The following CTSH variants were observed in gnomAD, a reference collection of about 807,000 sequenced individuals.
CTSH encodes the protein cathepsin H, also known as pro-cathepsin H.
A neutral mutation model predicts 56.3 loss-of-function variants in CTSH; 52 were observed. The ratio of observed to expected loss-of-function variants is 0.92; its 90% CI spans 0.74 to 1.16. The LOEUF is 1.16. CTSH is among the 50% of genes most tolerant of loss of function. The pLI is 0.00. For missense variants in CTSH, 406 were observed against 424.5 expected (o/e 0.96, Z 0.38); for synonymous variants, 174 against 155.7 (o/e 1.12, Z -0.88).
chr15:78,932,119 C>CA lies in CTSH; in HGVS notation c.492+252dup. On this transcript the variant is annotated intron_variant, in intron 6 of 11. Transcript: ENST00000220166. Reference sequence around the variant, plus strand: ...CTGAACCCCTCCGCCGGGAAGGCTCCAGGCTGTCAAGCTAAGGACCACCCA... The same window carrying CA: ...CTGAACCCCTCCGCCGGGAAGGCTCCAAGGCTGTCAAGCTAAGGACCACCCA... 16 of 1,243,474 alleles carry CA rather than the reference C, an allele frequency of 1.3e-5. 1 individual carries two copies. In the South Asian group the frequency reaches 2.9e-4, roughly 23 times the overall value. 77.0% of individuals were successfully genotyped at this position (1,243,474 alleles called of 1,614,324 possible).
Position 78,929,503 on chromosome 15 carries a change from G to A in CTSH, c.549-10C>T, listed in dbSNP as rs781335168. 1.2e-6 allele frequency: 2 copies of A among 1,603,788 alleles called. No homozygotes were observed. The highest frequency in any genetic ancestry group is 1.1e-5 in the South Asian group (1 of 89,762). On this transcript the variant is annotated splice_polypyrimidine_tract_variant and intron_variant, in intron 7 of 11. Coordinates refer to ENST00000220166, the MANE Select transcript of CTSH (RefSeq NM_004390.5). ...CTGGCTGGGGAGACCCCTGCAAGAA[G>A]TACACACAGGTGAGCCCACCTGGGG...
intron 10 of CTSH, among the ~76,000 whole-genome samples, chr15:78,923,772 C>G (rs867489301): frequency 1.3e-5 from 2 of 152,220 alleles, no homozygotes; most frequent in Admixed American, 6.5e-5. Flanking sequence ...GTTGCCACTG[C>G]ATTTATTAAA....
In CTSH at chr15:78,932,472, G is replaced by C. The variant is rs752857196; in HGVS notation, c.406-14C>G. On this transcript the variant is annotated splice_polypyrimidine_tract_variant and intron_variant, in intron 5 of 11. Transcript: ENST00000220166. The stretch of plus-strand genomic sequence containing the variant: ...GCCGCAGGCACCCTGGAAAGGCCAG[G>C]GGAGAGCAGAGGACATCAGTGATGG... The C allele has an allele frequency of 5.0e-6, 8 of 1,607,952 alleles. No homozygotes were observed. The South Asian group carries it at 8.8e-5, about 18-fold the overall frequency.
chr15:78,923,238 G>A (rs1264564375), intron 10 of CTSH, 120 bp from the exon 11 acceptor site: 14 of 1,060,596 alleles, frequency 1.3e-5, no homozygotes, highest in Non-Finnish European at 1.9e-5. Flanking sequence ...GACCAGGGAG[G>A]CATGTAAGGT....
intron 5 of CTSH, among the ~76,000 whole-genome samples, chr15:78,933,985 T>A (rs947186387): frequency 1.3e-5 from 2 of 152,194 alleles, no homozygotes; most frequent in Non-Finnish European, 2.9e-5. Flanking sequence ...GGTGGGCCTC[T>A]CTTTCCCACC....
chr15:78,925,552 G>C (rs2054886211), intron 9 of CTSH, 112 bp from the exon 10 acceptor site: 2 of 678,976 alleles, frequency 2.9e-6, no homozygotes, highest in Admixed American at 4.4e-5. Context: ...AGCATGGATG[G>C]CCAGAAGCAG....
chr15:78,922,052 C>T lies in CTSH; in HGVS notation c.*78G>A, dbSNP rs2141510256. 7.3e-7 allele frequency: 1 copy of T among 1,365,750 alleles called. No individual in the cohort carries two copies. The highest frequency in any genetic ancestry group is 1.0e-6 in the Non-Finnish European group (1 of 982,752). The allele number at this position is 1,365,750 out of a possible 1,614,324, so 84.6% of individuals were successfully genotyped here. The stretch of plus-strand genomic sequence containing the variant: ...CCAGTGGATCTCCCCACAACTTCCT[C>T]CAGGGCAGGATTTCCACCCAGGCCC... On this transcript the variant is annotated 3_prime_UTR_variant, in exon 12 of 12. Transcript: ENST00000220166.
chr15:78,937,586 G>T, intron 2 of CTSH, 163 bp from the exon 3 acceptor site: 8 of 1,404,406 alleles, frequency 5.7e-6, no homozygotes, highest in African/African-American at 2.9e-5. Context: ...AATTTGGGAA[G>T]TTACAAAACA....
chr15:78,929,367 G>T (rs2054994679), intron 8 of CTSH, 45 bp downstream of exon 8: 1 of 1,448,660 alleles, frequency 6.9e-7, no homozygotes, highest in South Asian at 1.2e-5. Context: ...GTGAAGCTAG[G>T]CATGCTGTAC....
chr15:78,925,233 C>T, intron 10 of CTSH, 101 bp downstream of exon 10: 2 of 728,830 alleles, frequency 2.7e-6, no homozygotes, highest in South Asian at 1.5e-5. Flanking sequence ...GTCTGACACA[C>T]AGGAGTCTGG....
At chr15:78,923,247 G>A (rs1240435278) in intron 10 of CTSH, 129 bp from the exon 11 acceptor site, 7 of 969,166 alleles carry the variant, frequency 7.2e-6, no homozygotes, top group Non-Finnish European at 1.1e-5. Context: ...GGCATGTAAG[G>A]TGGTGATGTA....
In CTSH at chr15:78,931,446, C is replaced by T. The variant is rs768722083; in HGVS notation, c.548+5G>A. On this transcript the variant is annotated splice_donor_5th_base_variant and intron_variant, in intron 7 of 11. Coordinates refer to ENST00000220166, the MANE Select transcript of CTSH (RefSeq NM_004390.5). ...GTTTTGGGCCCCTTCTGGTCAGAGACGTACCCTTGGCAGCCGTGATTATTG... is the reference window on the plus strand; with the variant it reads ...GTTTTGGGCCCCTTCTGGTCAGAGATGTACCCTTGGCAGCCGTGATTATTG... The T allele has an allele frequency of 9.9e-6, 16 of 1,614,108 alleles. No individual in the cohort carries two copies. Among genetic ancestry groups the T allele is most frequent in the African/African-American group, 1.3e-5 (1 of 74,942 alleles).
intron 1 of CTSH, among the ~76,000 whole-genome samples, chr15:78,944,306 T>C (rs11072816): frequency 1 from 152,304 of 152,356 alleles, 76,126 homozygotes; most frequent in Non-Finnish European, 1. Context: ...TCGCAGCCAA[T>C]CTGGCCAACA....
chr15:78,932,489 C>A lies in CTSH; in HGVS notation c.406-31G>T, dbSNP rs1399744094. On this transcript the variant is annotated intron_variant, in intron 5 of 11. Coordinates refer to ENST00000220166, the MANE Select transcript of CTSH (RefSeq NM_004390.5). The stretch of plus-strand genomic sequence containing the variant: ...AAGGCCAGGGGAGAGCAGAGGACAT[C>A]AGTGATGGGGACGCCGTGAGACAGC... 3 of 1,557,730 alleles carry A rather than the reference C, an allele frequency of 1.9e-6. No individual in the cohort carries two copies. In the African/African-American group the frequency reaches 4.1e-5, roughly 21 times the overall value.
chr15:78,931,961 C>T, intron 6 of CTSH: 2 of 1,153,678 alleles, frequency 1.7e-6, no homozygotes, highest in South Asian at 2.3e-5. Context: ...ATAGTTCCTT[C>T]AGGGGCATCA....
rs74024489 is a variant in CTSH, at chr15:78,932,088, G to A, written c.492+284C>T. ...GTTGGCTACCCACCAGGCAGGCTCC[G>A]CCTTTCTGAACCCCTCCGCCGGGAA... On this transcript the variant is annotated intron_variant, in intron 6 of 11. Transcript: ENST00000220166. The A allele has an allele frequency of 7.0e-3, 8,819 of 1,263,632 alleles. 543 individuals carry two copies. In the African/African-American group the frequency reaches 0.12, roughly 17 times the overall value. The allele number at this position is 1,263,632 out of a possible 1,614,324, so 78.3% of individuals were successfully genotyped here.
chr15:78,927,509 G>GGGCC (rs1331281534), intron 9 of CTSH: 2 of 555,144 alleles, frequency 3.6e-6, no homozygotes, highest in South Asian at 4.8e-5. Flanking sequence ...CAGAACCAGA[G>GGGCC]GGCCTGCCTG....
chr15:78,928,577 AAAAAAAAAAAAAG>A (rs1287911712), intron 8 of CTSH, among the ~76,000 whole-genome samples: 22 of 150,316 alleles, frequency 1.5e-4, no homozygotes, highest in African/African-American at 5.4e-4. Flanking sequence ...AAAAAAAAAA[AAAAAAAAAAAAAG>A]AAGGGAGAGT....
chr15:78,940,519 A>T (rs546200531), intron 1 of CTSH, among the ~76,000 whole-genome samples: 1 of 149,500 alleles, frequency 6.7e-6, no homozygotes, highest in Non-Finnish European at 1.5e-5. Flanking sequence ...CCTGGGTGAC[A>T]GGAGTGAGAC....
Sources: allele counts gnomAD v4.1 joint callset (sites outside exome capture counted in the v4.1 genomes callset), GRCh38; gene constraint gnomAD v4.1.1; transcripts MANE v1.5; gene names NCBI Gene and HGNC (gene_info 2026-07-23, HGNC 2026-07-21).